AATK: variants seen among roughly 807,000 people sequenced by gnomAD.
AATK encodes the protein lemur tail kinase 1, also known as serine/threonine-protein kinase LMTK1.
A neutral mutation model predicts 114.3 loss-of-function variants in AATK; 91 were observed. The ratio of observed to expected loss-of-function variants is 0.80; its 90% CI spans 0.67 to 0.95. The LOEUF (loss-of-function observed/expected upper bound fraction) is 0.95. AATK is among the 40% of genes least tolerant of loss of function. The pLI, the probability that AATK is intolerant of heterozygous loss-of-function variation, is 0.00. For synonymous variants in AATK, 1,075 were observed against 916.5 expected, an observed-to-expected ratio of 1.17 and a Z score of -3.12; for missense variants, 2,176 against 1,965.2, an observed-to-expected ratio of 1.11 and a Z score of -2.03.
Position 81,120,016 on chromosome 17 carries a change from C to T in AATK, c.3803G>A (p.Arg1268Lys), listed in dbSNP as rs943649534. ...GAKESPPTFL[R>K]GSPGSPSAPN... ...GGCGCTGGGAGAGCCGGGGCTCCCC[C>T]TAAGGAACGTAGGGGGCGATTCCTT... Residue 1268 changes from arginine to lysine, a missense_variant, in exon 12 of 14, where the codon AGG (arginine) becomes AAG (lysine). This residue lies in a region of AATK where 1,701 missense variants were observed against 1,394.7 expected (regional missense o/e 1.22). Coordinates refer to ENST00000326724, the MANE Select transcript of AATK (RefSeq NM_001080395.3). 6 of 1,452,396 alleles carry T rather than the reference C, an allele frequency of 4.1e-6. No individual in the cohort carries two copies. The highest frequency in any genetic ancestry group is 3.0e-5 in the Admixed American group (1 of 32,868). The allele number at this position is 1,452,396 out of a possible 1,614,324, so 90.0% of individuals were successfully genotyped here. A position where few individuals can be genotyped will look rare whatever the true frequency, so the allele number is the denominator to read the frequency against.
rs2060581795 is a variant in AATK at position 81,117,620 on chromosome 17, C to T, written c.*782G>A. ...TCCTTTGGCAGCTGGGGCACAGGAC[C>T]AGATACTGCCCCACAGAGGGGAGCT... On this transcript the variant is annotated 3_prime_UTR_variant, in exon 14 of 14. Coordinates refer to ENST00000326724, the MANE Select transcript of AATK (RefSeq NM_001080395.3). 1 of 152,294 alleles carries T rather than the reference C, an allele frequency of 6.6e-6. No homozygotes were observed. The highest frequency in any genetic ancestry group is 2.4e-5 in the African/African-American group (1 of 41,456). The allele number at this position is 152,294 out of a possible 1,614,324, so 9.4% of individuals were successfully genotyped here. A position where few individuals can be genotyped will look rare whatever the true frequency, so the allele number is the denominator to read the frequency against.
rs576031524 is a variant in AATK, at chr17:81,119,420, G to A, written c.4044C>T (p.Ser1348=). The A allele has an allele frequency of 1.7e-4, 258 of 1,539,864 alleles. 4 individuals are homozygous for A. The South Asian group carries it at 2.7e-3, about 16-fold the overall frequency. The change falls in exon 13 of 14, where the codon TCC becomes TCT. Residue 1348 remains serine, a synonymous_variant. Coordinates refer to ENST00000326724, the MANE Select transcript of AATK (RefSeq NM_001080395.3). ...TVSPAPTSRF[S]ITHVSDSDAE... ...CGTCCGAGTCAGACACGTGCGTGAT[G>A]GAGAAGCGGGACGTGGGCGCGGGCG...
chr17:81,165,037 T>C (rs2061469655), intron 1 of AATK, among the ~76,000 whole-genome samples: 1 of 152,186 alleles, frequency 6.6e-6, no homozygotes, highest in African/African-American at 2.4e-5. Context: ...CAGGCTTTGT[T>C]TGGGCTGGCT....
At chr17:81,130,546 C>G (rs1298181276) in intron 3 of AATK, among the ~76,000 whole-genome samples, 1 of 152,168 alleles carries the variant, frequency 6.6e-6, no homozygotes, top group Non-Finnish European at 1.5e-5. Flanking sequence ...ATTCACCACC[C>G]GCCCACACGG....
At position 81,128,446 on chromosome 17, in the gene AATK, C is replaced by T. The variant is rs992326493; in HGVS notation, c.414+24G>A. 36 of 1,548,152 alleles carry T rather than the reference C, an allele frequency of 2.3e-5. No individual in the cohort carries two copies. The African/African-American group carries it at 4.1e-4, about 18-fold the overall frequency. ...CCCTTCTGCCTCCCAGGCGGGAGTC[C>T]TCCCTCCCAGGCGGGACACGTACCT... On this transcript the variant is annotated intron_variant, in intron 4 of 13. Transcript: ENST00000326724.
At chr17:81,149,566 C>T (rs746031434) in intron 1 of AATK, among the ~76,000 whole-genome samples, 24 of 151,968 alleles carry the variant, frequency 1.6e-4, no homozygotes, top group Non-Finnish European at 3.4e-4. Flanking sequence ...GGATCTGCAG[C>T]GTCACCCACC....
intron 1 of AATK, among the ~76,000 whole-genome samples, chr17:81,140,926 C>T (rs1389127612): frequency 2.3e-5 from 2 of 88,730 alleles, no homozygotes; most frequent in Non-Finnish European, 5.1e-5. Context: ...GCCGTGGGAC[C>T]GTGGGACCAT....
At position 81,122,172 on chromosome 17, in the gene AATK, C is replaced by T; in HGVS notation, c.1764G>A (p.Trp588Ter). The change falls in exon 11 of 14, where the codon TGG becomes TGA. Residue 588 changes from tryptophan to a stop codon, truncating the protein, a stop_gained. Coordinates refer to ENST00000326724, the MANE Select transcript of AATK (RefSeq NM_001080395.3). LOFTEE classifies it high-confidence loss of function. ...TGCGAGGGTAGTGGTCGCCGCGGCC[C>T]CAGGGGACGTCGACGGGTGGCCCGT... Reference protein sequence around the residue: ...LGHGPPVDVPWGRGDHYPRRS... With the variant: ...LGHGPPVDVP 5 of 1,513,362 alleles carry T rather than the reference C, an allele frequency of 3.3e-6. No individual in the cohort carries two copies. Among genetic ancestry groups the T allele is most frequent in the East Asian group, 2.5e-5 (1 of 40,370 alleles). 93.7% of individuals were successfully genotyped at this position (1,513,362 alleles called of 1,614,324 possible).
rs1400835914 is a variant in AATK at position 81,134,349 on chromosome 17, C to T, written c.189+19G>A. On this transcript the variant is annotated intron_variant, in intron 2 of 13. Coordinates refer to ENST00000326724, the MANE Select transcript of AATK (RefSeq NM_001080395.3). ...GCCTGCGGGATCCCACGACAGCTCCCGCGGCCCCCAGGCCTCACCTTGAAC... is the reference window on the plus strand; with the variant it reads ...GCCTGCGGGATCCCACGACAGCTCCTGCGGCCCCCAGGCCTCACCTTGAAC... 5 of 1,612,132 alleles carry T rather than the reference C, an allele frequency of 3.1e-6. No homozygotes were observed. Among genetic ancestry groups the T allele is most frequent in the African/African-American group, 1.3e-5 (1 of 74,908 alleles).
rs752812248 is a variant in AATK at position 81,128,506 on chromosome 17, C to G, written c.378G>C (p.Leu126=). 4.2e-5 allele frequency: 65 copies of G among 1,549,262 alleles called. 1 individual carries two copies. The highest frequency in any genetic ancestry group is 3.7e-5 in the Non-Finnish European group (43 of 1,146,932). Residue 126 remains leucine (L), a synonymous_variant, in exon 4 of 14, where the codon CTG becomes CTC. Coordinates refer to ENST00000326724, the MANE Select transcript of AATK (RefSeq NM_001080395.3). ...AGCCACGGCCGATTTCCTTCAGGTA[C>G]AGGAGGCTGTGCCGGCCCACGTCTG... ...KSTDVGRHSL[L]YLKEIGRGWF...
At position 81,124,822 on chromosome 17, in the gene AATK, C is replaced by T. The variant is rs2060775079; in HGVS notation, c.867G>A (p.Gln289=). Residue 289 remains glutamine (Q), a synonymous_variant, in exon 9 of 14, where the codon CAG becomes CAA. Coordinates refer to ENST00000326724, the MANE Select transcript of AATK (RefSeq NM_001080395.3). ...CGATCCAGCGCAGAGGCACCCACAG[C>T]TGGTCGGCAGTCACGAAGTAGTCCT... is the stretch of plus-strand genomic sequence containing the variant. The part of the protein sequence containing the change: ...YREDYFVTAD[Q]LWVPLRWIAP... 6.2e-7 allele frequency: 1 copy of T among 1,611,934 alleles called. No homozygotes were observed. The highest frequency in any genetic ancestry group is 1.1e-5 in the South Asian group (1 of 90,976).
chr17:81,144,802 C>T (rs4969259), intron 1 of AATK, among the ~76,000 whole-genome samples: 77,998 of 152,078 alleles, frequency 0.51, 20,411 homozygotes, highest in Middle Eastern at 0.68. Context: ...AAGCTAACAG[C>T]GTGGAAAAAG....
rs1262722806 is a variant in AATK, at chr17:81,134,406, C to G, written c.151G>C (p.Ala51Pro). Residue 51 changes from alanine (A) to proline (P), a missense_variant, in exon 2 of 14, where the codon GCC (alanine) becomes CCC (proline). Ala to Pro is a conservative substitution (Grantham distance 27). This residue lies in a region of AATK where 178 missense variants were observed against 175.4 expected (regional missense o/e 1.01). Coordinates refer to ENST00000326724, the MANE Select transcript of AATK (RefSeq NM_001080395.3). ...CCGCCCTTCTTACAGCACAGGCAGG[C>G]CAGCATGAGGACGATGACGGCGAAG... ...GLFAVIVLML[A>P]CLCCKKGGIG... 3 of 1,613,324 alleles carry G rather than the reference C, an allele frequency of 1.9e-6. No homozygotes were observed. The highest frequency in any genetic ancestry group is 2.5e-6 in the Non-Finnish European group (3 of 1,179,818).
rs1259317579 is a variant in AATK, at chr17:81,122,165, C to T, written c.1771G>A (p.Gly591Ser). 1.3e-6 allele frequency: 2 copies of T among 1,515,270 alleles called. No homozygotes were observed. The highest frequency in any genetic ancestry group is 2.0e-5 in the Admixed American group (1 of 49,210). The allele number at this position is 1,515,270 out of a possible 1,614,324, so 93.9% of individuals were successfully genotyped here. Residue 591 changes from glycine (G) to serine (S), a missense_variant, in exon 11 of 14, where the codon GGC becomes AGC. Physicochemically the swap from Gly to Ser is moderately conservative, Grantham distance 56. This residue lies in a region of AATK where 1,701 missense variants were observed against 1,394.7 expected (regional missense o/e 1.22). Transcript: ENST00000326724. ...AAGCTTCTGCGAGGGTAGTGGTCGC[C>T]GCGGCCCCAGGGGACGTCGACGGGT... ...GPPVDVPWGR[G>S]DHYPRRSLAR... is the part of the protein sequence containing the mutation.
rs570917077 is a variant in AATK, at chr17:81,118,247, C to T, written c.*155G>A. 4.9e-5 allele frequency: 34 copies of T among 700,936 alleles called. No homozygotes were observed. The highest frequency in any genetic ancestry group is 3.7e-4 in the South Asian group (20 of 53,532). The allele number at this position is 700,936 out of a possible 1,614,324, so 43.4% of individuals were successfully genotyped here. ...CTACCATCCAGGGCCTCTCATCCCA[C>T]GGGCTTCTCCAGGACACCGCGTGGG... is the stretch of plus-strand genomic sequence containing the variant. On this transcript the variant is annotated 3_prime_UTR_variant, in exon 14 of 14. Coordinates refer to ENST00000326724, the MANE Select transcript of AATK (RefSeq NM_001080395.3).
intron 1 of AATK, among the ~76,000 whole-genome samples, chr17:81,148,064 CAAAA>C (rs35731140): frequency 0.04 from 4,031 of 101,328 alleles, 70 homozygotes; most frequent in African/African-American, 0.12. Context: ...ACAACTTTGT[CAAAA>C]AAAAAAAAAA....
Position 81,122,432 on chromosome 17 carries a change from G to A in AATK, c.1504C>T (p.Leu502=). The change falls in exon 11 of 14, where the codon CTG becomes TTG. Residue 502 remains leucine, a synonymous_variant. Transcript: ENST00000326724. ...CCGTCGGGGGCGCACAGCTCCTGCA[G>A]GCGTGCGGTGCGGCCAGGGCTCAGC... is the stretch of plus-strand genomic sequence containing the variant. The part of the protein sequence containing the change: ...ATLSPGRTAR[L]QELCAPDGAP... The A allele has an allele frequency of 6.9e-7, 1 of 1,456,194 alleles. No individual in the cohort carries two copies. Among genetic ancestry groups the A allele is most frequent in the Middle Eastern group, 1.9e-4 (1 of 5,154 alleles). The allele number at this position is 1,456,194 out of a possible 1,614,324, so 90.2% of individuals were successfully genotyped here.
At chr17:81,128,768 C>T (rs1012440384) in intron 3 of AATK, 37 of 1,361,184 alleles carry the variant, frequency 2.7e-5, no homozygotes, top group African/African-American at 1.2e-4. Context: ...AGGATCCATC[C>T]GGGCATCTTT....
intron 1 of AATK, among the ~76,000 whole-genome samples, chr17:81,140,965 C>CGTGGGGCCGTGGGGACTGTGAACT (rs2061128019): frequency 7.2e-6 from 1 of 139,302 alleles, no homozygotes; most frequent in African/African-American, 2.8e-5. Context: ...GACCGTGAGC[C>CGTGGGGCCGTGGGGACTGTGAACT]GTGGGGCCGT....
Sources: allele counts gnomAD v4.1 joint callset (sites outside exome capture counted in the v4.1 genomes callset), GRCh38; gene constraint gnomAD v4.1.1; regional missense constraint gnomAD v4.1.1; transcripts MANE v1.5; gene names NCBI Gene and HGNC (gene_info 2026-07-23, HGNC 2026-07-21).